ZNF536: variants seen among roughly 807,000 people sequenced by gnomAD.
ZNF536 encodes zinc finger protein 536.
A neutral mutation model predicts 84.5 loss-of-function variants in ZNF536; 13 were observed. The observed-to-expected ratio is 0.15, with a 90% CI of 0.10 to 0.24. The LOEUF (loss-of-function observed/expected upper bound fraction) is 0.24. Among genes scored for constraint, ZNF536 ranks in the 10% least tolerant of loss-of-function variants. The pLI, the probability that ZNF536 is intolerant of heterozygous loss-of-function variation, is 1.00. For missense variants in ZNF536, 1,536 were observed against 1,747.5 expected (o/e 0.88, Z 2.16); for synonymous variants, 811 against 742.5 (o/e 1.09, Z -1.50).
chr19:30,292,590 G>A (rs368781889), intron 2 of ZNF536, among the ~76,000 whole-genome samples: 62 of 152,246 alleles, frequency 4.1e-4, no homozygotes, highest in African/African-American at 1.5e-3. Flanking sequence ...CAAAGTGCTA[G>A]GGTTATAGGC....
intron 1 of ZNF536, among the ~76,000 whole-genome samples, chr19:30,609,751 C>T (rs1198328291): frequency 6.8e-6 from 1 of 147,312 alleles, no homozygotes; most frequent in Non-Finnish European, 1.5e-5. Context: ...TCCACCCATC[C>T]ACCTATCCAT....
chr19:30,645,207 A>T (rs1199616508), intron 1 of ZNF536, among the ~76,000 whole-genome samples: 1 of 151,858 alleles, frequency 6.6e-6, no homozygotes, highest in Admixed American at 6.6e-5. Context: ...CCACTTTTTG[A>T]TGGGGTTGTT....
At chr19:30,575,392 C>T (rs1239232472) in intron 1 of ZNF536, among the ~76,000 whole-genome samples, 2 of 152,218 alleles carry the variant, frequency 1.3e-5, no homozygotes, top group African/African-American at 4.8e-5. Context: ...ACCACCCCTC[C>T]CATCCAGAGC....
At chr19:30,408,521 A>G (rs1164987071) in intron 1 of ZNF536, among the ~76,000 whole-genome samples, 1 of 152,148 alleles carries the variant, frequency 6.6e-6, no homozygotes, top group Non-Finnish European at 1.5e-5. Flanking sequence ...CTGCCATTCA[A>G]TCTTCTTGAC....
At chr19:30,320,793 G>A (rs2046829493) in intron 2 of ZNF536, among the ~76,000 whole-genome samples, 2 of 152,072 alleles carry the variant, frequency 1.3e-5, no homozygotes. Flanking sequence ...CCTCTTCTTG[G>A]CTCCCGGGAG....
intron 1 of ZNF536, among the ~76,000 whole-genome samples, chr19:30,573,776 G>A (rs1314883599): frequency 6.6e-6 from 1 of 152,308 alleles, no homozygotes; most frequent in East Asian, 1.9e-4. Flanking sequence ...GGACATCTGA[G>A]TTAAGCCACC....
chr19:30,613,692 T>C (rs1296994138), intron 1 of ZNF536, among the ~76,000 whole-genome samples: 1 of 152,202 alleles, frequency 6.6e-6, no homozygotes, highest in Non-Finnish European at 1.5e-5. Context: ...GGTACACTTG[T>C]ATAAGAAGAA....
At chr19:30,431,264 G>A (rs1379121306) in intron 1 of ZNF536, among the ~76,000 whole-genome samples, 4 of 152,062 alleles carry the variant, frequency 2.6e-5, no homozygotes, top group Admixed American at 2.6e-4. Context: ...GGCAGAGGCT[G>A]GGCCAGTCTG....
chr19:30,501,848 C>A (rs1386371180), intron 2 of ZNF536, among the ~76,000 whole-genome samples: 1 of 152,106 alleles, frequency 6.6e-6, no homozygotes, highest in Non-Finnish European at 1.5e-5. Flanking sequence ...TTGGCGATGA[C>A]CTTGAGCAGT....
At chr19:30,700,080 CCTCT>C (rs984684445) in intron 1 of ZNF536, among the ~76,000 whole-genome samples, 16 of 140,714 alleles carry the variant, frequency 1.1e-4, no homozygotes, top group South Asian at 2.3e-4. Context: ...CTTCTCTCTC[CCTCT>C]TTCTTTCTCT....
intron 1 of ZNF536, among the ~76,000 whole-genome samples, chr19:30,617,718 T>G (rs2048354722): frequency 6.6e-6 from 1 of 152,106 alleles, no homozygotes; most frequent in Non-Finnish European, 1.5e-5. Context: ...GCCACACAAT[T>G]TTTTTAACCA....
At chr19:30,680,388 G>A (rs966804089) in intron 1 of ZNF536, among the ~76,000 whole-genome samples, 12 of 141,984 alleles carry the variant, frequency 8.5e-5, no homozygotes, top group African/African-American at 3.2e-4. Context: ...ATCTCCTAAA[G>A]CTATCCCTCC....
In ZNF536 at chr19:30,549,134, C is replaced by T. The variant is rs2146239544; in HGVS notation, c.3515C>T (p.Ser1172Phe). 1.2e-6 allele frequency: 2 copies of T among 1,614,100 alleles called. No individual in the cohort carries two copies. Among genetic ancestry groups the T allele is most frequent in the Non-Finnish European group, 1.7e-6 (2 of 1,180,044 alleles). Reference protein sequence around the residue: ...SDIASSEDMDSSKGENNDEED... With the variant: ...SDIASSEDMDFSKGENNDEED... ...ATTGCCTCCTCAGAGGACATGGACT[C>T]CTCCAAGGGGGAGAACAACGATGAA... is the stretch of plus-strand genomic sequence containing the variant. The change falls in exon 4 of 5, where the codon TCC (serine) becomes TTC (phenylalanine). Residue 1172 changes from serine to phenylalanine, a missense_variant. This residue lies in a region of ZNF536 where 624 missense variants were observed against 603.1 expected (regional missense o/e 1.03). Transcript: ENST00000355537.
At chr19:30,226,240 G>C (rs2022605762), upstream of ZNF536, among the ~76,000 whole-genome samples, 1 of 152,092 alleles carries the variant, frequency 6.6e-6, no homozygotes, top group African/African-American at 2.4e-5. The surrounding 1 kb of genome is among the most constrained non-coding windows in gnomAD (Gnocchi z 4.6). Flanking sequence ...AGTAAAAAGG[G>C]GAGGGGGTAG....
chr19:30,318,393 A>G (rs140112978), intron 2 of ZNF536, among the ~76,000 whole-genome samples: 13 of 152,392 alleles, frequency 8.5e-5, no homozygotes, highest in African/African-American at 3.1e-4. Context: ...AAAAGAGCCA[A>G]TGAAATGATG....
chr19:30,283,995 G>C (rs933971587), intron 1 of ZNF536: 2 of 152,210 alleles, frequency 1.3e-5, no homozygotes, highest in Admixed American at 6.5e-5. Context: ...TGTTACTTTG[G>C]ATGAATGCTG....
At chr19:30,570,305 G>A (rs2046500196) in intron 1 of ZNF536, among the ~76,000 whole-genome samples, 1 of 152,148 alleles carries the variant, frequency 6.6e-6, no homozygotes, top group Non-Finnish European at 1.5e-5. Flanking sequence ...TTTGTAAGAA[G>A]CCGGGTGGGC....
intron 2 of ZNF536, among the ~76,000 whole-genome samples, chr19:30,285,313 T>G (rs2045588514): frequency 6.6e-6 from 1 of 152,236 alleles, no homozygotes; most frequent in Non-Finnish European, 1.5e-5. Context: ...GGCATGTGAC[T>G]GGGCTTGATG....
intron 1 of ZNF536, among the ~76,000 whole-genome samples, chr19:30,431,255 GCAGAGGCTGGGC>G (rs1435962471): frequency 5.9e-5 from 9 of 152,128 alleles, no homozygotes; most frequent in African/African-American, 2.2e-4. Context: ...GGCCAGCCCG[GCAGAGGCTGGGC>G]CAGTCTGGTG....
Sources: allele counts gnomAD v4.1 joint callset (sites outside exome capture counted in the v4.1 genomes callset), GRCh38; gene constraint gnomAD v4.1.1; regional missense constraint gnomAD v4.1.1; non-coding constraint Gnocchi (gnomAD v3.1); transcripts MANE v1.5; gene names NCBI Gene and HGNC (gene_info 2026-07-23, HGNC 2026-07-21).